Variants in CTDSPL2 observed in about 807,000 individuals in gnomAD.
CTDSPL2 encodes the protein CTD small phosphatase like 2, also known as CTD small phosphatase-like protein 2.
A neutral mutation model predicts 60.0 loss-of-function variants in CTDSPL2; 5 were observed. That is an observed-to-expected ratio of 0.08 (90% CI 0.04 to 0.18). The LOEUF (loss-of-function observed/expected upper bound fraction) is 0.18. CTDSPL2 is among the 10% of genes least tolerant of loss of function. The probability of loss-of-function intolerance (pLI) is 1.00; values close to 1 mark genes in which losing one functional copy is unlikely to be tolerated. For synonymous variants in CTDSPL2, 186 were observed against 189.3 expected (o/e 0.98, Z 0.14); for missense variants, 370 against 548.8 (o/e 0.67, Z 3.26).
Position 44,524,280 on chromosome 15 carries a change from G to A in CTDSPL2, c.*106G>A, listed in dbSNP as rs548964955. ...TTGAAATTTTGCATTTTTGTACCCC[G>A]TCTTGCTTTTCTTATCTTTGGTGCC... On this transcript the variant is annotated 3_prime_UTR_variant, in exon 13 of 13. Coordinates refer to ENST00000260327, the MANE Select transcript of CTDSPL2 (RefSeq NM_016396.3). 167 of 834,706 alleles carry A rather than the reference G, an allele frequency of 2.0e-4. 1 individual carries two copies. Among genetic ancestry groups the A allele is most frequent in the Non-Finnish European group, 2.8e-4 (138 of 498,884 alleles). The allele number at this position is 834,706 out of a possible 1,614,324, so 51.7% of individuals were successfully genotyped here. A position where few individuals can be genotyped will look rare whatever the true frequency, so the allele number is the denominator to read the frequency against.
chr15:44,518,388 A>G (rs2081696743), intron 10 of CTDSPL2, among the ~76,000 whole-genome samples: 1 of 152,194 alleles, frequency 6.6e-6, no homozygotes, highest in African/African-American at 2.4e-5. Context: ...GCTTTCTAAA[A>G]TGATGTAGTA....
At chr15:44,442,079 C>CTGTTCATATCCTTCACCCACT (rs2080100216) in intron 1 of CTDSPL2, among the ~76,000 whole-genome samples, 1 of 152,158 alleles carries the variant, frequency 6.6e-6, no homozygotes, top group Non-Finnish European at 1.5e-5. Flanking sequence ...TCCTCTGTAA[C>CTGTTCATATCCTTCACCCACT]TTTTGTCATC....
chr15:44,521,793 C>A (rs2081774293), intron 12 of CTDSPL2, among the ~76,000 whole-genome samples: 2 of 150,868 alleles, frequency 1.3e-5, no homozygotes, highest in East Asian at 3.9e-4. Flanking sequence ...AAAAAATTAG[C>A]CGGGCGTGGT....
intron 1 of CTDSPL2, among the ~76,000 whole-genome samples, chr15:44,439,525 G>C (rs1328672426): frequency 6.8e-6 from 1 of 147,124 alleles, no homozygotes; most frequent in East Asian, 2.0e-4. Context: ...GAAAGTCTCT[G>C]TATTTTTATG....
At chr15:44,509,627 T>C (rs959887035) in intron 8 of CTDSPL2, among the ~76,000 whole-genome samples, 4 of 152,022 alleles carry the variant, frequency 2.6e-5, no homozygotes, top group East Asian at 3.9e-4. Flanking sequence ...TCATATCAAG[T>C]AGTAGTAGTG....
chr15:44,499,933 A>T (rs1402766488), intron 8 of CTDSPL2, 120 bp downstream of exon 8: 2 of 582,962 alleles, frequency 3.4e-6, no homozygotes, highest in Non-Finnish European at 6.2e-6. Context: ...AGTATAATGG[A>T]TTTCATCAAC....
intron 2 of CTDSPL2, among the ~76,000 whole-genome samples, chr15:44,465,975 C>T (rs776396875): frequency 2.0e-5 from 3 of 151,390 alleles, no homozygotes; most frequent in Non-Finnish European, 2.9e-5. Context: ...CTCACTCTCA[C>T]CCAGGCTGGA....
intron 1 of CTDSPL2, among the ~76,000 whole-genome samples, chr15:44,454,055 G>T (rs969400613): frequency 3.9e-5 from 6 of 152,180 alleles, no homozygotes; most frequent in Admixed American, 3.3e-4. Flanking sequence ...GTGTAAAAGT[G>T]TTCCTATTTC....
intron 10 of CTDSPL2, among the ~76,000 whole-genome samples, chr15:44,516,353 CT>C (rs1251911352): frequency 6.6e-6 from 1 of 152,062 alleles, no homozygotes; most frequent in Non-Finnish European, 1.5e-5. Flanking sequence ...TTAACAGTAC[CT>C]TTATTATTCA....
At chr15:44,439,805 G>A (rs1187717747) in intron 1 of CTDSPL2, among the ~76,000 whole-genome samples, 1 of 152,130 alleles carries the variant, frequency 6.6e-6, no homozygotes, top group South Asian at 2.1e-4. Flanking sequence ...AATAAAATCA[G>A]GTTGTTGCTG....
At chr15:44,496,251 T>G in intron 5 of CTDSPL2, 129 bp from the exon 6 acceptor site, 1 of 613,722 alleles carries the variant, frequency 1.6e-6, no homozygotes, top group Non-Finnish European at 2.8e-6. Flanking sequence ...GGCTTTTAGG[T>G]GTTTACAAGT....
intron 8 of CTDSPL2, among the ~76,000 whole-genome samples, chr15:44,505,229 C>T (rs1182493665): frequency 6.6e-6 from 1 of 151,588 alleles, no homozygotes; most frequent in Non-Finnish European, 1.5e-5. Context: ...CTCAGGAGTT[C>T]AAGACCAGCC....
intron 1 of CTDSPL2, among the ~76,000 whole-genome samples, chr15:44,454,124 G>A (rs1318228957): frequency 1.3e-5 from 2 of 152,188 alleles, no homozygotes; most frequent in Non-Finnish European, 2.9e-5. Flanking sequence ...CATTCTAACT[G>A]GTGTTGAGAT....
Position 44,524,491 on chromosome 15 carries a change from A to G in CTDSPL2, c.*317A>G. 4.0e-6 allele frequency: 1 copy of G among 248,162 alleles called. No individual in the cohort carries two copies. Among genetic ancestry groups the G allele is most frequent in the East Asian group, 8.3e-5 (1 of 12,106 alleles). The allele number at this position is 248,162 out of a possible 1,614,324, so 15.4% of individuals were successfully genotyped here. ...CCAGCAGTTTGACCTGTAGTCACACAGGATTTTATGATAATAACAGAGATG... is the reference window on the plus strand; with the variant it reads ...CCAGCAGTTTGACCTGTAGTCACACGGGATTTTATGATAATAACAGAGATG... On this transcript the variant is annotated 3_prime_UTR_variant, in exon 13 of 13. Coordinates refer to ENST00000260327, the MANE Select transcript of CTDSPL2 (RefSeq NM_016396.3).
chr15:44,445,901 T>C (rs2080202708), intron 1 of CTDSPL2, among the ~76,000 whole-genome samples: 2 of 151,310 alleles, frequency 1.3e-5, no homozygotes, highest in South Asian at 4.2e-4. Flanking sequence ...CCTGTCAAAC[T>C]GCTGGGATTA....
intron 8 of CTDSPL2, among the ~76,000 whole-genome samples, chr15:44,508,995 C>T (rs938312169): frequency 1.3e-5 from 2 of 152,058 alleles, no homozygotes; most frequent in African/African-American, 4.8e-5. Context: ...TAAAAAGACT[C>T]ACATGTAATT....
rs1311826640 is a variant in CTDSPL2 at position 44,466,156 on chromosome 15, C to T, written c.186+6956C>T. On this transcript the variant is annotated intron_variant, in intron 2 of 12. Transcript: ENST00000260327. ...TTCACCATGTTGGCCACGCTGGTCT[C>T]GAACTCCTGACCTCAGATGATCCAC... Among the ~76,000 whole-genome samples, 8 of 151,310 alleles carry T rather than the reference C, an allele frequency of 5.3e-5. No individual in the cohort carries two copies. The East Asian group carries it at 1.6e-3, about 29-fold the overall frequency.
chr15:44,471,137 A>G (rs2080801563), intron 2 of CTDSPL2, among the ~76,000 whole-genome samples: 1 of 152,074 alleles, frequency 6.6e-6, no homozygotes, highest in Non-Finnish European at 1.5e-5. Context: ...CACAACATAC[A>G]TTTTTTGGTT....
chr15:44,482,894 T>A (rs2140779814), intron 2 of CTDSPL2, among the ~76,000 whole-genome samples: 1 of 152,316 alleles, frequency 6.6e-6, no homozygotes, highest in East Asian at 1.9e-4. Flanking sequence ...ATCTAATCCT[T>A]ACCAAAAGAT....
Sources: gnomAD v4.1 joint callset for allele counts (sites outside exome capture counted in the v4.1 genomes callset) on GRCh38, gnomAD v4.1.1 for gene constraint, MANE v1.5 for transcripts, NCBI Gene and HGNC (gene_info 2026-07-23, HGNC 2026-07-21) for gene names.